The following SEC14L1 variants were observed in gnomAD, a reference collection of about 807,000 sequenced individuals.
SEC14L1 encodes SEC14 like lipid binding 1, also known as SEC14-like protein 1.
SEC14L1 carries 48 observed loss-of-function variants against 85.3 expected under a neutral mutation model. That is an observed-to-expected ratio of 0.56 (90% CI 0.45 to 0.72). The LOEUF (loss-of-function observed/expected upper bound fraction) is 0.72. Among genes scored for constraint, SEC14L1 ranks in the 30% least tolerant of loss-of-function variants. SEC14L1 has a pLI of 0.00. For missense variants in SEC14L1, 682 were observed against 921.4 expected (o/e 0.74, Z 3.36); for synonymous variants, 391 against 355.5 (o/e 1.10, Z -1.12).
chr17:77,176,404 G>A lies in SEC14L1; in HGVS notation c.64-14399G>A, dbSNP rs140063554. On this transcript the variant is annotated intron_variant, in intron 3 of 16. Transcript: ENST00000436233. The stretch of plus-strand genomic sequence containing the variant: ...AGAAGGTGGGTTCTCAGTCCCGTGT[G>A]AGGATTTACCCAGGACTCTCTCCAG... 6.8e-3 allele frequency among the ~76,000 whole-genome samples: 1,038 copies of A among 152,310 alleles called. 8 individuals carry two copies. The highest frequency in any genetic ancestry group is 0.024 in the African/African-American group (981 of 41,550).
chr17:77,192,103 T>C (rs934435365), intron 5 of SEC14L1, among the ~76,000 whole-genome samples: 5 of 152,190 alleles, frequency 3.3e-5, no homozygotes, highest in African/African-American at 1.2e-4. Context: ...CCTTAAATAT[T>C]ACATTCATAT....
chr17:77,113,699 T>C (rs573301853), intron 3 of SEC14L1, among the ~76,000 whole-genome samples: 1 of 152,172 alleles, frequency 6.6e-6, no homozygotes, highest in East Asian at 1.9e-4. Flanking sequence ...TGAGCCGAAA[T>C]TGCGCCACTG....
intron 3 of SEC14L1, among the ~76,000 whole-genome samples, chr17:77,105,750 T>C (rs1006371106): frequency 6.6e-6 from 1 of 152,138 alleles, no homozygotes; most frequent in Non-Finnish European, 1.5e-5. Context: ...TTGTATACCA[T>C]CTTCATGAAG....
At position 77,194,775 on chromosome 17, in the gene SEC14L1, G is replaced by C; in HGVS notation, c.573G>C (p.Glu191Asp). ...CGCCTTCCATCACGACCTCTTCAGA[G>C]ACATCTTCATCATCCTCCAAGAAAC... is the stretch of plus-strand genomic sequence containing the variant. ...WSPPSITTSS[E>D]TSSSSSKKQA... The change falls in exon 7 of 17, where the codon GAG becomes GAC. Residue 191 changes from glutamate to aspartate, a missense_variant. Glu to Asp is a conservative substitution (Grantham distance 45, BLOSUM62 2). Transcript: ENST00000436233. The C allele has an allele frequency of 6.2e-7, 1 of 1,614,204 alleles. No individual in the cohort carries two copies. The highest frequency in any genetic ancestry group is 8.5e-7 in the Non-Finnish European group (1 of 1,180,036).
At chr17:77,196,131 T>C (rs1190743182) in intron 7 of SEC14L1, 71 bp from the exon 8 acceptor site, 1 of 1,219,028 alleles carries the variant, frequency 8.2e-7, no homozygotes, top group Non-Finnish European at 1.2e-6. Flanking sequence ...TTAACTCCAC[T>C]GAGCACAAAG....
intron 3 of SEC14L1, among the ~76,000 whole-genome samples, chr17:77,146,728 A>G (rs4788980): frequency 0.99 from 150,588 of 152,174 alleles, 74,533 homozygotes; most frequent in East Asian, 1. Flanking sequence ...ACAGACGCAC[A>G]CACACGCACG....
intron 7 of SEC14L1, among the ~76,000 whole-genome samples, chr17:77,195,302 AG>A (rs1340655298): frequency 1.4e-5 from 2 of 148,096 alleles, no homozygotes; most frequent in East Asian, 2.2e-4. Context: ...GGCCTAAGGA[AG>A]GTGTTTTTTT....
chr17:77,207,383 A>ACCAT (rs1282904988), intron 13 of SEC14L1, among the ~76,000 whole-genome samples: 2 of 151,494 alleles, frequency 1.3e-5, no homozygotes, highest in African/African-American at 4.9e-5. Flanking sequence ...GGCGTGCACC[A>ACCAT]CCATACCCAG....
In SEC14L1 at chr17:77,214,283, T is replaced by C. The variant is rs1463129796; in HGVS notation, c.*260T>C. The stretch of plus-strand genomic sequence containing the variant: ...TCCAACCAGAGCGCAAGGGCTCTCT[T>C]GAAAGAAAAGTAGTTTCTGTACCAA... On this transcript the variant is annotated 3_prime_UTR_variant, in exon 17 of 17. Coordinates refer to ENST00000436233, the MANE Select transcript of SEC14L1 (RefSeq NM_001143998.2). The C allele has an allele frequency of 2.4e-6, 3 of 1,265,094 alleles. No homozygotes were observed. Among genetic ancestry groups the C allele is most frequent in the African/African-American group, 1.5e-5 (1 of 66,042 alleles). The allele number at this position is 1,265,094 out of a possible 1,614,324, so 78.4% of individuals were successfully genotyped here.
In SEC14L1 at chr17:77,142,557, CAAA is replaced by C. The variant is rs757563624; in HGVS notation, c.-135-70_-135-68del. 226 of 78,170 alleles carry C rather than the reference CAAA, an allele frequency of 2.9e-3. 5 individuals are homozygous for C. In the East Asian group the frequency reaches 0.047, roughly 16 times the overall value. 4.8% of individuals were successfully genotyped at this position (78,170 alleles called of 1,614,324 possible). On this transcript the variant is annotated intron_variant, in intron 1 of 16. Transcript: ENST00000436233. ...TGGGCAACAGAGAGACACCCTGTCT[CAAA>C]AAAAAAAAAAAAAAAAAAGGAATCT...
At chr17:77,204,915 A>C (rs1190197248) in intron 10 of SEC14L1, among the ~76,000 whole-genome samples, 1 of 152,184 alleles carries the variant, frequency 6.6e-6, no homozygotes, top group Non-Finnish European at 1.5e-5. Flanking sequence ...CTTGGCGGGC[A>C]CATGTGGTAT....
intron 3 of SEC14L1, among the ~76,000 whole-genome samples, chr17:77,175,017 G>A (rs1487951018): frequency 6.6e-6 from 1 of 152,166 alleles, no homozygotes; most frequent in Non-Finnish European, 1.5e-5. Flanking sequence ...GTAAGAGAAA[G>A]AGGGGATAGG....
chr17:77,215,393 C>T lies in SEC14L1; in HGVS notation c.*1370C>T. On this transcript the variant is annotated 3_prime_UTR_variant, in exon 17 of 17. Transcript: ENST00000436233. ...CAGAGGCCGTGTTTTTCATGCCAAA[C>T]CCCACGCGGCTGTCAACTGTGTGCG... The T allele has an allele frequency of 3.0e-6, 3 of 985,450 alleles. No homozygotes were observed. Among genetic ancestry groups the T allele is most frequent in the South Asian group, 9.4e-5 (2 of 21,294 alleles). The allele number at this position is 985,450 out of a possible 1,614,324, so 61.0% of individuals were successfully genotyped here.
At chr17:77,110,590 A>G (rs193081742) in intron 3 of SEC14L1, among the ~76,000 whole-genome samples, 6 of 152,114 alleles carry the variant, frequency 3.9e-5, no homozygotes, top group Admixed American at 3.9e-4. Flanking sequence ...TAAGAAATAC[A>G]TTGGGGCTGG....
chr17:77,143,909 A>AACAC (rs1973162966), intron 3 of SEC14L1: 1 of 344,416 alleles, frequency 2.9e-6, no homozygotes, highest in Admixed American at 4.9e-5. Flanking sequence ...TCTCCCTTTG[A>AACAC]ACACACAGAA....
At chr17:77,091,017 C>T (rs1011636251) in intron 2 of SEC14L1, among the ~76,000 whole-genome samples, 10 of 150,862 alleles carry the variant, frequency 6.6e-5, no homozygotes, top group African/African-American at 1.9e-4. Context: ...CAGGGCCTTG[C>T]GGCTCAGGCG....
upstream of SEC14L1, among the ~76,000 whole-genome samples, chr17:77,138,111 G>T (rs1210532610): frequency 1.3e-5 from 2 of 152,078 alleles, no homozygotes; most frequent in Non-Finnish European, 2.9e-5. Context: ...CAGTTCCTGG[G>T]CGGGGGCCAC....
rs1972260616 is a variant in SEC14L1 at position 77,120,099 on chromosome 17, G to A, written c.-135-22547G>A. ...AAAAATGTGAATCATGGCCAGGTGTGGTGGTGCACGCCTGTAAATCCCAGC... is the reference window on the plus strand; with the variant it reads ...AAAAATGTGAATCATGGCCAGGTGTAGTGGTGCACGCCTGTAAATCCCAGC... On this transcript the variant is annotated intron_variant, in intron 3 of 19. Coordinates refer to the SEC14L1 transcript ENST00000392476. Among the ~76,000 whole-genome samples the A allele has an allele frequency of 2.6e-5, 4 of 152,082 alleles. No homozygotes were observed. The South Asian group carries it at 8.3e-4, about 32-fold the overall frequency.
intron 10 of SEC14L1, 51 bp downstream of exon 10, chr17:77,203,709 T>C: frequency 1.4e-6 from 2 of 1,430,006 alleles, no homozygotes. Flanking sequence ...TCACTTTTTT[T>C]CTCTGCCAGT....
Sources: allele counts gnomAD v4.1 joint callset (sites outside exome capture counted in the v4.1 genomes callset), GRCh38; gene constraint gnomAD v4.1.1; transcripts MANE v1.5; gene names NCBI Gene and HGNC (gene_info 2026-07-23, HGNC 2026-07-21).